XRCC4: variants seen among roughly 807,000 people sequenced by gnomAD.
XRCC4 encodes DNA repair protein XRCC4.
In XRCC4, 28 loss-of-function variants were observed where a neutral mutation model predicts 39.1. The observed-to-expected ratio is 0.72, with a 90% CI of 0.53 to 0.98. The LOEUF is 0.98. XRCC4 is among the 50% of genes least tolerant of loss of function. XRCC4 has a pLI of 0.00. For missense variants in XRCC4, 350 were observed against 376.4 expected (o/e 0.93, Z 0.58); for synonymous variants, 123 against 126.4 (o/e 0.97, Z 0.18).
chr5:83,250,435 A>G (rs934689756), intron 6 of XRCC4, among the ~76,000 whole-genome samples: 1 of 152,244 alleles, frequency 6.6e-6, no homozygotes, highest in Non-Finnish European at 1.5e-5. Flanking sequence ...TATAGCAATC[A>G]TTGAATATTT....
At chr5:83,296,981 A>C (rs984957999) in intron 7 of XRCC4, among the ~76,000 whole-genome samples, 15 of 152,158 alleles carry the variant, frequency 9.9e-5, no homozygotes, top group African/African-American at 3.6e-4. Flanking sequence ...CTTGCAAAGA[A>C]TGGATCATTC....
chr5:83,290,904 A>G (rs1754902147), intron 7 of XRCC4, among the ~76,000 whole-genome samples: 1 of 151,860 alleles, frequency 6.6e-6, no homozygotes, highest in South Asian at 2.1e-4. Context: ...AATGTAGTAT[A>G]CCCACAAAAT....
rs1285178617 is a variant in XRCC4 at position 83,120,014 on chromosome 5, AAC to A, written c.315+8813_315+8814del. Among the ~76,000 whole-genome samples the A allele has an allele frequency of 1.7e-4, 26 of 151,086 alleles. 1 individual carries two copies. Among genetic ancestry groups the A allele is most frequent in the African/African-American group, 5.6e-4 (23 of 40,838 alleles). ...CTTGTCTCACAAAAAAAAAAAAAAA[AAC>A]AATAACAGAAACAAAAACAAACAAA... On this transcript the variant is annotated intron_variant, in intron 3 of 7. Transcript: ENST00000396027.
rs560745332 is a variant in XRCC4 at position 83,126,596 on chromosome 5, G to A, written c.315+15393G>A. Among the ~76,000 whole-genome samples, 4 of 152,270 alleles carry A rather than the reference G, an allele frequency of 2.6e-5. No homozygotes were observed. The South Asian group carries it at 8.3e-4, about 32-fold the overall frequency. ...AAAGTCAATGCCCAGGGGAACTGTG[G>A]GGTATAAGCTGCTACTGAGAGCCCC... On this transcript the variant is annotated intron_variant, in intron 3 of 7. Transcript: ENST00000396027.
At chr5:83,236,989 A>C (rs573537940) in intron 6 of XRCC4, among the ~76,000 whole-genome samples, 1 of 152,296 alleles carries the variant, frequency 6.6e-6, no homozygotes, top group African/African-American at 2.4e-5. Flanking sequence ...TCATTAGAGA[A>C]ATGCAAATCA....
chr5:83,127,482 C>G (rs1747327277), intron 3 of XRCC4, among the ~76,000 whole-genome samples: 1 of 152,002 alleles, frequency 6.6e-6, no homozygotes, highest in Admixed American at 6.6e-5. Context: ...GTAAGATGTG[C>G]CTTTCACCTT....
intron 3 of XRCC4, among the ~76,000 whole-genome samples, chr5:83,149,344 C>T (rs953301478): frequency 4.0e-5 from 6 of 151,622 alleles, no homozygotes; most frequent in Admixed American, 6.6e-5. Context: ...GCATTATCTT[C>T]TGGTCTACAA....
intron 7 of XRCC4, among the ~76,000 whole-genome samples, chr5:83,272,707 GA>G (rs1270050314): frequency 1.3e-5 from 2 of 152,050 alleles, no homozygotes; most frequent in African/African-American, 4.8e-5. Flanking sequence ...TTAGTTTGCT[GA>G]AAATGATAGT....
intron 6 of XRCC4, among the ~76,000 whole-genome samples, chr5:83,219,176 A>G (rs1320321542): frequency 6.6e-6 from 1 of 152,118 alleles, no homozygotes; most frequent in Non-Finnish European, 1.5e-5. Flanking sequence ...GGTACCAGTC[A>G]TATTGGATTA....
chr5:83,371,996 T>C, the XRCC4 span, among the ~76,000 whole-genome samples: 2 of 152,228 alleles, frequency 1.3e-5, no homozygotes, highest in African/African-American at 2.4e-5. Flanking sequence ...CTCTGCTTTG[T>C]GCAGCAAGTA....
chr5:83,192,904 TAAAG>T (rs1750777678), intron 3 of XRCC4, among the ~76,000 whole-genome samples: 1 of 152,154 alleles, frequency 6.6e-6, no homozygotes, highest in Admixed American at 6.5e-5. Flanking sequence ...AACTGATAAA[TAAAG>T]AACAGCTGTG....
At chr5:83,307,533 G>GTTT (rs1561466526) in intron 7 of XRCC4, among the ~76,000 whole-genome samples, 5 of 152,152 alleles carry the variant, frequency 3.3e-5, no homozygotes, top group Non-Finnish European at 7.3e-5. Context: ...TAAGAGACTC[G>GTTT]TAAGCAGAGT....
At chr5:83,111,790 T>G (rs1746457707) in intron 3 of XRCC4, among the ~76,000 whole-genome samples, 1 of 152,148 alleles carries the variant, frequency 6.6e-6, no homozygotes, top group Admixed American at 6.5e-5. Context: ...GGCAGGTGGT[T>G]TATTTATTAA....
the XRCC4 span, among the ~76,000 whole-genome samples, chr5:83,366,532 G>T: frequency 6.6e-6 from 1 of 152,144 alleles, no homozygotes; most frequent in African/African-American, 2.4e-5. Flanking sequence ...ACCATTTTAA[G>T]ATGTTGGATT....
At chr5:83,271,735 G>A (rs945141531) in intron 7 of XRCC4, among the ~76,000 whole-genome samples, 1 of 152,018 alleles carries the variant, frequency 6.6e-6, no homozygotes, top group South Asian at 2.1e-4. Context: ...AAAGTGGGAG[G>A]GAAGAGAGAG....
downstream of XRCC4, among the ~76,000 whole-genome samples, chr5:83,354,884 C>G (rs1757172392): frequency 6.6e-6 from 1 of 152,154 alleles, no homozygotes; most frequent in Non-Finnish European, 1.5e-5. Context: ...TCACTGGTCT[C>G]CCTGCTTAAT....
chr5:83,098,494 A>G (rs1217622722), intron 1 of XRCC4, among the ~76,000 whole-genome samples: 1 of 152,108 alleles, frequency 6.6e-6, no homozygotes, highest in East Asian at 1.9e-4. Flanking sequence ...GTTAATTCTC[A>G]CATGATTAGA....
rs572654309 is a variant in XRCC4 at position 83,163,620 on chromosome 5, T to A, written c.316-32150T>A. Reference sequence around the variant, plus strand: ...ATTTATGGCTTTAATATCCAAATGATGAGCAACTCCTACGAGTCTATGACA... The same window carrying A: ...ATTTATGGCTTTAATATCCAAATGAAGAGCAACTCCTACGAGTCTATGACA... On this transcript the variant is annotated intron_variant, in intron 3 of 7. Coordinates refer to ENST00000396027, the MANE Select transcript of XRCC4 (RefSeq NM_003401.5). 1.1e-4 allele frequency among the ~76,000 whole-genome samples: 16 copies of A among 152,364 alleles called. No individual in the cohort carries two copies. In the East Asian group the frequency reaches 2.9e-3, roughly 28 times the overall value.
Position 83,176,674 on chromosome 5 carries a change from G to A in XRCC4, c.316-19096G>A, listed in dbSNP as rs1037709598. Among the ~76,000 whole-genome samples, 77 of 151,174 alleles carry A rather than the reference G, an allele frequency of 5.1e-4. 2 individuals are homozygous for A. The highest frequency in any genetic ancestry group is 3.5e-4 in the Non-Finnish European group (24 of 67,930). On this transcript the variant is annotated intron_variant, in intron 3 of 7. Coordinates refer to ENST00000396027, the MANE Select transcript of XRCC4 (RefSeq NM_003401.5). The stretch of plus-strand genomic sequence containing the variant: ...GTCTCACTCTGTCACCCAGGCTGGA[G>A]TGCAGTGGCACGATCTTGGCTCACT...
Sources: allele counts gnomAD v4.1 joint callset (sites outside exome capture counted in the v4.1 genomes callset), GRCh38; gene constraint gnomAD v4.1.1; transcripts MANE v1.5; gene names NCBI Gene and HGNC (gene_info 2026-07-23, HGNC 2026-07-21).